The following ARHGEF33 variants were observed in gnomAD, a reference collection of about 807,000 sequenced individuals.
The protein encoded by ARHGEF33 is DH and coiled-coil domain-containing protein ENSP00000381780.
In ARHGEF33, 72 loss-of-function variants were observed where a neutral mutation model predicts 101.9. The ratio of observed to expected loss-of-function variants is 0.71; its 90% CI spans 0.58 to 0.86. The LOEUF (loss-of-function observed/expected upper bound fraction) is 0.86, where lower values mean the gene tolerates loss of function less well. Among genes scored for constraint, ARHGEF33 ranks in the 40% least tolerant of loss-of-function variants. The pLI is 0.00. For synonymous variants in ARHGEF33, 499 were observed against 442.5 expected (o/e 1.13, Z -1.60); for missense variants, 1,169 against 1,111.3 (o/e 1.05, Z -0.74).
intron 9 of ARHGEF33, among the ~76,000 whole-genome samples, chr2:38,938,523 AACAAGACC>A (rs1426844929): frequency 6.6e-6 from 1 of 152,238 alleles, no homozygotes; most frequent in Non-Finnish European, 1.5e-5. Context: ...TAGGCAACAG[AACAAGACC>A]CTAACTCAAA....
intron 7 of ARHGEF33, among the ~76,000 whole-genome samples, chr2:38,933,458 A>C (rs974303314): frequency 2.2e-4 from 33 of 151,620 alleles, no homozygotes; most frequent in Non-Finnish European, 4.4e-4. Flanking sequence ...ATCTCGGCTC[A>C]CTGCAACCTC....
intron 7 of ARHGEF33, among the ~76,000 whole-genome samples, chr2:38,934,456 TC>T (rs1269857676): frequency 2.4e-5 from 1 of 41,604 alleles, no homozygotes; most frequent in Non-Finnish European, 4.4e-5. Flanking sequence ...TATCCCTCCC[TC>T]CCCCTTTTCT....
At chr2:38,917,923 G>A (rs1427495293) in intron 2 of ARHGEF33, among the ~76,000 whole-genome samples, 1 of 151,876 alleles carries the variant, frequency 6.6e-6, no homozygotes. Flanking sequence ...TGTCACTATA[G>A]ATTAGATTTG....
chr2:38,922,999 C>T (rs1434160261), intron 4 of ARHGEF33, among the ~76,000 whole-genome samples: 2 of 152,192 alleles, frequency 1.3e-5, no homozygotes, highest in Non-Finnish European at 2.9e-5. Flanking sequence ...CCTCTGTTCT[C>T]ATCTGACCTG....
At position 38,911,147 on chromosome 2, in the gene ARHGEF33, GA is replaced by G. The variant is rs528308100; in HGVS notation, c.-85-8207del. Among the ~76,000 whole-genome samples, 273 of 150,414 alleles carry G rather than the reference GA, an allele frequency of 1.8e-3. No individual in the cohort carries two copies. The South Asian group carries it at 0.036, about 20-fold the overall frequency. The stretch of plus-strand genomic sequence containing the variant: ...AATAATGTTGCTTTTAGGCTCTATA[GA>G]AAAAAAAAGCAAATAGCCCTTTTCA... On this transcript the variant is annotated intron_variant, in intron 2 of 17. Transcript: ENST00000409978.
At chr2:38,928,700 C>G (rs1272259967) in intron 4 of ARHGEF33, 1 of 373,714 alleles carries the variant, frequency 2.7e-6, no homozygotes. Context: ...CAAGCTTCAG[C>G]ATATGCTATA....
intron 2 of ARHGEF33, among the ~76,000 whole-genome samples, chr2:38,913,809 T>A (rs1666569392): frequency 6.6e-6 from 1 of 150,520 alleles, no homozygotes. Context: ...ATAGCAAAAG[T>A]GACCACATAG....
rs1344770907 is a variant in ARHGEF33 at position 38,973,713 on chromosome 2, G to A, written c.2484-1G>A. On this transcript the variant is annotated splice_acceptor_variant, in intron 17 of 17. Coordinates refer to ENST00000409978, the MANE Select transcript of ARHGEF33 (RefSeq NM_001145451.5). LOFTEE classifies it high-confidence loss of function. ...ACTTTATCTGTGTGCTGAGATTTTAGGTCCAGTGGATCAGAATACAGGGAA... is the reference window on the plus strand; with the variant it reads ...ACTTTATCTGTGTGCTGAGATTTTAAGTCCAGTGGATCAGAATACAGGGAA... 2 of 1,528,286 alleles carry A rather than the reference G, an allele frequency of 1.3e-6. No individual in the cohort carries two copies. Among genetic ancestry groups the A allele is most frequent in the African/African-American group, 1.4e-5 (1 of 71,948 alleles). The allele number at this position is 1,528,286 out of a possible 1,614,324, so 94.7% of individuals were successfully genotyped here. A position where few individuals can be genotyped will look rare whatever the true frequency, so the allele number is the denominator to read the frequency against.
At chr2:38,899,937 C>G (rs558673040) in intron 2 of ARHGEF33, among the ~76,000 whole-genome samples, 1 of 152,000 alleles carries the variant, frequency 6.6e-6, no homozygotes, top group Admixed American at 6.6e-5. Context: ...GACTGTAATC[C>G]TAGCACTTTG....
chr2:38,931,479 A>T (rs1002864251), intron 7 of ARHGEF33, among the ~76,000 whole-genome samples: 2 of 152,140 alleles, frequency 1.3e-5, no homozygotes, highest in African/African-American at 4.8e-5. Flanking sequence ...ACTAATCTGG[A>T]TACTTCTAAA....
At chr2:38,897,168 C>T (rs1044195578) in intron 2 of ARHGEF33, among the ~76,000 whole-genome samples, 1 of 152,146 alleles carries the variant, frequency 6.6e-6, no homozygotes, top group African/African-American at 2.4e-5. Context: ...CCCGCCTCGG[C>T]CTCCAAAAGT....
intron 2 of ARHGEF33, among the ~76,000 whole-genome samples, chr2:38,915,449 A>G (rs1052451805): frequency 7.2e-6 from 1 of 139,666 alleles, no homozygotes; most frequent in African/African-American, 2.8e-5. Flanking sequence ...CAGCGGCGTG[A>G]TCTCGGCTCA....
chr2:38,927,293 A>G (rs1490675873), intron 4 of ARHGEF33, among the ~76,000 whole-genome samples: 1 of 152,250 alleles, frequency 6.6e-6, no homozygotes, highest in African/African-American at 2.4e-5. Flanking sequence ...GGGAGGTGCC[A>G]TTGCAGGTGG....
chr2:38,960,195 C>A lies in ARHGEF33; in HGVS notation c.1890C>A (p.Asp630Glu). ...GEIFALPAPY[D>E]EEPFQAPALF... is the part of the protein sequence containing the mutation. ...TCTTCGCGCTGCCCGCGCCCTACGA[C>A]GAGGAGCCGTTCCAGGCTCCGGCCC... The change falls in exon 16 of 18, where the codon GAC becomes GAA. Residue 630 changes from aspartate (D) to glutamate (E), a missense_variant. Asp to Glu is a conservative substitution (Grantham distance 45, BLOSUM62 2). Transcript: ENST00000409978. 1.9e-6 allele frequency: 3 copies of A among 1,544,718 alleles called. No individual in the cohort carries two copies. The highest frequency in any genetic ancestry group is 2.6e-6 in the Non-Finnish European group (3 of 1,144,492).
chr2:38,944,063 A>G (rs978880342), intron 10 of ARHGEF33, 33 bp downstream of exon 10: 3 of 1,527,442 alleles, frequency 2.0e-6, no homozygotes, highest in South Asian at 1.3e-5. Context: ...TGCTTTTCAG[A>G]TTGATTAGGA....
At chr2:38,969,781 G>A (rs1426132118) in intron 17 of ARHGEF33, 1 of 152,168 alleles carries the variant, frequency 6.6e-6, no homozygotes, top group Non-Finnish European at 1.5e-5. Flanking sequence ...TTCTTAGAGG[G>A]AACAGACTTA....
Position 38,974,992 on chromosome 2 carries a change from A to C in ARHGEF33, c.*1149A>C, listed in dbSNP as rs1217910990. On this transcript the variant is annotated 3_prime_UTR_variant, in exon 18 of 18. Coordinates refer to ENST00000409978, the MANE Select transcript of ARHGEF33 (RefSeq NM_001145451.5). Reference sequence around the variant, plus strand: ...CAAACATCAGATTTATAATAGAAAAAAAATTGGGTTTAAACAATTTGTCTT... The same window carrying C: ...CAAACATCAGATTTATAATAGAAAACAAATTGGGTTTAAACAATTTGTCTT... 1 of 152,204 alleles carries C rather than the reference A, an allele frequency of 6.6e-6. No individual in the cohort carries two copies. Among genetic ancestry groups the C allele is most frequent in the Admixed American group, 6.5e-5 (1 of 15,278 alleles). The allele number at this position is 152,204 out of a possible 1,614,324, so 9.4% of individuals were successfully genotyped here.
In ARHGEF33 at chr2:38,973,916, A is replaced by C; in HGVS notation, c.*73A>C. The C allele has an allele frequency of 1.9e-6, 2 of 1,056,730 alleles. No individual in the cohort carries two copies. The highest frequency in any genetic ancestry group is 1.2e-6 in the Non-Finnish European group (1 of 815,322). 65.5% of individuals were successfully genotyped at this position (1,056,730 alleles called of 1,614,324 possible). ...CTTGTATATATCTGTGTAGGAATAT[A>C]TATATATATCTATATCTATATATAT... On this transcript the variant is annotated 3_prime_UTR_variant, in exon 18 of 18. Transcript: ENST00000409978.
intron 9 of ARHGEF33, among the ~76,000 whole-genome samples, chr2:38,941,692 C>T (rs1227571297): frequency 2.6e-5 from 4 of 152,024 alleles, no homozygotes; most frequent in Non-Finnish European, 5.9e-5. Context: ...GGACTACAGC[C>T]GTCCACCACC....
Sources: allele counts gnomAD v4.1 joint callset (sites outside exome capture counted in the v4.1 genomes callset), GRCh38; gene constraint gnomAD v4.1.1; transcripts MANE v1.5; gene names NCBI Gene and HGNC (gene_info 2026-07-23, HGNC 2026-07-21).